RALGAPA1: variants seen among roughly 807,000 people sequenced by gnomAD.
The protein encoded by RALGAPA1 is ral GTPase-activating protein subunit alpha-1.
RALGAPA1 carries 52 observed loss-of-function variants against 269.6 expected under a neutral mutation model. That is an observed-to-expected ratio of 0.19 (90% CI 0.15 to 0.24). The LOEUF (loss-of-function observed/expected upper bound fraction) is 0.24, where lower values mean the gene tolerates loss of function less well. RALGAPA1 is among the 10% of genes least tolerant of loss of function. RALGAPA1 has a pLI of 1.00. For missense variants in RALGAPA1, 1,917 were observed against 3,013.9 expected (o/e 0.64, Z 8.52); for synonymous variants, 817 against 1,008.3 (o/e 0.81, Z 3.60).
At chr14:35,664,806 G>T in intron 26 of RALGAPA1, 39 bp from the exon 27 acceptor site, 1 of 1,586,356 alleles carries the variant, frequency 6.3e-7, no homozygotes, top group Non-Finnish European at 8.6e-7. Context: ...AAATATATTG[G>T]TGTTATGAAA....
At chr14:35,592,410 G>A (rs1269915490) in intron 37 of RALGAPA1, among the ~76,000 whole-genome samples, 1 of 152,158 alleles carries the variant, frequency 6.6e-6, no homozygotes, top group Non-Finnish European at 1.5e-5. Flanking sequence ...CAGCTTCACA[G>A]CTGAATTCTA....
At chr14:35,588,269 T>G (rs986229882) in intron 37 of RALGAPA1, among the ~76,000 whole-genome samples, 6 of 152,212 alleles carry the variant, frequency 3.9e-5, no homozygotes, top group Non-Finnish European at 8.8e-5. Context: ...AAATTTGTCT[T>G]ATTTGCTATG....
At chr14:35,659,093 C>A in intron 28 of RALGAPA1, 45 bp downstream of exon 28, 1 of 1,443,672 alleles carries the variant, frequency 6.9e-7, no homozygotes, top group African/African-American at 1.4e-5. Context: ...TTCTAAACTT[C>A]CAAACACAAA....
At chr14:35,795,547 T>C (rs1307183344) in intron 1 of RALGAPA1, among the ~76,000 whole-genome samples, 1 of 152,158 alleles carries the variant, frequency 6.6e-6, no homozygotes, top group East Asian at 1.9e-4. Context: ...TTGGGTCGAA[T>C]ACTCAGGAAG....
At position 35,631,867 on chromosome 14, in the gene RALGAPA1, T is replaced by C. The variant is rs1202531634; in HGVS notation, c.5995+2707A>G. The stretch of plus-strand genomic sequence containing the variant: ...GTCTTATGAGTTTCTTTTTCAAACC[T>C]ACTTATAAATAAACTCCAAGAATGA... On this transcript the variant is annotated intron_variant, in intron 33 of 41. Transcript: ENST00000680220. 2.6e-5 allele frequency among the ~76,000 whole-genome samples: 4 copies of C among 152,304 alleles called. 1 individual carries two copies. The highest frequency in any genetic ancestry group is 6.8e-3 in the Middle Eastern group (2 of 294).
At chr14:35,776,001 CA>C in intron 1 of RALGAPA1, among the ~76,000 whole-genome samples, 1 of 151,888 alleles carries the variant, frequency 6.6e-6, no homozygotes, top group Admixed American at 6.6e-5. Flanking sequence ...TTAATCATAC[CA>C]AAAAAAGAAG....
At chr14:35,799,052 G>A (rs1322289349) in intron 1 of RALGAPA1, among the ~76,000 whole-genome samples, 1 of 151,210 alleles carries the variant, frequency 6.6e-6, no homozygotes, top group Non-Finnish European at 1.5e-5. Context: ...GTACTACATG[G>A]GTATGAGACT....
At chr14:35,744,285 C>T (rs2071839864) in intron 10 of RALGAPA1, among the ~76,000 whole-genome samples, 1 of 151,192 alleles carries the variant, frequency 6.6e-6, no homozygotes, top group South Asian at 2.1e-4. Context: ...GCAGGAGAAT[C>T]GCTTGAACCC....
In RALGAPA1 at chr14:35,654,404, T is replaced by C. The variant is rs757327344; in HGVS notation, c.5570A>G (p.Gln1857Arg). Reference sequence around the variant, plus strand: ...CAAGGGAGAATCAGGCTGGTAAATCTGAAGTCTAGGTACATAATGAACCAG... The same window carrying C: ...CAAGGGAGAATCAGGCTGGTAAATCCGAAGTCTAGGTACATAATGAACCAG... ...HMLVHYVPRL[Q>R]IYQPDSPLKI... Residue 1857 changes from glutamine to arginine, a missense_variant, in exon 30 of 42, where the codon CAG (glutamine) becomes CGG (arginine). Around this residue, in one of 11 missense-constraint regions of RALGAPA1, gnomAD observed 346 missense variants for 566.1 expected, o/e 0.61. Coordinates refer to ENST00000680220, the MANE Select transcript of RALGAPA1 (RefSeq NM_001346249.2). The C allele has an allele frequency of 1.9e-6, 3 of 1,602,716 alleles. No individual in the cohort carries two copies. Among genetic ancestry groups the C allele is most frequent in the African/African-American group, 2.7e-5 (2 of 74,566 alleles).
At chr14:35,766,135 C>A in intron 4 of RALGAPA1, 1 of 948,520 alleles carries the variant, frequency 1.1e-6, no homozygotes, top group Non-Finnish European at 1.7e-6. Context: ...AGAAATCCTG[C>A]TGCCTACTGT....
Position 35,742,431 on chromosome 14 carries a change from G to C in RALGAPA1, c.1386C>G (p.Leu462=). ...PEEIVITSSD[L]PCIENVTDHD... is the part of the protein sequence containing the mutation. ...GGTCTGTGACATTTTCAATGCAAGG[G>C]AGGTCTGAAGAAGTGATCACAATTT... Residue 462 remains leucine (L), a synonymous_variant, in exon 11 of 42, where the codon CTC becomes CTG. Transcript: ENST00000680220. The C allele has an allele frequency of 6.2e-7, 1 of 1,605,238 alleles. No homozygotes were observed. Among genetic ancestry groups the C allele is most frequent in the South Asian group, 1.1e-5 (1 of 90,568 alleles).
At chr14:35,782,400 A>G (rs2075495947) in intron 1 of RALGAPA1, among the ~76,000 whole-genome samples, 1 of 152,122 alleles carries the variant, frequency 6.6e-6, no homozygotes. Flanking sequence ...AAATATACCT[A>G]AAGATTCAAT....
chr14:35,680,860 C>T (rs917595215), intron 21 of RALGAPA1, among the ~76,000 whole-genome samples: 14 of 151,454 alleles, frequency 9.2e-5, no homozygotes, highest in African/African-American at 1.9e-4. Context: ...GTGATCCACC[C>T]GCCTCGGCCT....
intron 13 of RALGAPA1, 120 bp from the exon 14 acceptor site, chr14:35,725,273 A>G (rs1037325148): frequency 3.3e-6 from 2 of 607,450 alleles, no homozygotes; most frequent in Admixed American, 3.5e-5. Context: ...TTGAAAGACA[A>G]TTTCAAATGT....
chr14:35,690,345 T>A (rs1232546987), intron 17 of RALGAPA1, among the ~76,000 whole-genome samples: 1 of 152,152 alleles, frequency 6.6e-6, no homozygotes, highest in Non-Finnish European at 1.5e-5. Context: ...TTTTCCTACT[T>A]ATTTACGTTC....
At chr14:35,796,533 A>T (rs970762361) in intron 1 of RALGAPA1, among the ~76,000 whole-genome samples, 3 of 152,188 alleles carry the variant, frequency 2.0e-5, no homozygotes, top group Non-Finnish European at 4.4e-5. Context: ...CAAGAAGCTC[A>T]ATTAATCTTA....
intron 41 of RALGAPA1, among the ~76,000 whole-genome samples, chr14:35,547,403 G>A (rs967002445): frequency 2.6e-5 from 4 of 152,050 alleles, no homozygotes; most frequent in African/African-American, 4.8e-5. Context: ...TGACAAATAC[G>A]AAAGAGTACA....
chr14:35,547,771 T>C (rs1566648422), intron 41 of RALGAPA1, among the ~76,000 whole-genome samples: 1 of 152,112 alleles, frequency 6.6e-6, no homozygotes, highest in Non-Finnish European at 1.5e-5. Flanking sequence ...CCTGGTTTAA[T>C]ACGGTTTTGT....
chr14:35,732,207 A>T (rs1004055301), intron 12 of RALGAPA1, among the ~76,000 whole-genome samples: 12 of 152,340 alleles, frequency 7.9e-5, no homozygotes, highest in African/African-American at 2.6e-4. Flanking sequence ...GCCAATACCA[A>T]GCCACCACTA....
Sources: allele counts gnomAD v4.1 joint callset (sites outside exome capture counted in the v4.1 genomes callset), GRCh38; gene constraint gnomAD v4.1.1; regional missense constraint gnomAD v4.1.1; transcripts MANE v1.5; gene names NCBI Gene and HGNC (gene_info 2026-07-23, HGNC 2026-07-21).